Variants in KMT5B observed in about 807,000 individuals in gnomAD.
KMT5B encodes lysine methyltransferase 5B.
In KMT5B, 10 loss-of-function variants were observed where a neutral mutation model predicts 83.2. The observed-to-expected ratio is 0.12, with a 90% CI of 0.07 to 0.20. The LOEUF (loss-of-function observed/expected upper bound fraction) is 0.20, where lower values mean the gene tolerates loss of function less well. Among genes scored for constraint, KMT5B ranks in the 10% least tolerant of loss-of-function variants. KMT5B has a pLI of 1.00. For missense variants in KMT5B, 753 were observed against 1,067.2 expected, an observed-to-expected ratio of 0.71 and a Z score of 4.10; for synonymous variants, 349 against 388.8, an observed-to-expected ratio of 0.90 and a Z score of 1.20.
rs1488396861 is a variant in KMT5B at position 68,171,482 on chromosome 11, C to T, written c.820+61G>A. On this transcript the variant is annotated intron_variant, in intron 7 of 10. Coordinates refer to ENST00000304363, the MANE Select transcript of KMT5B (RefSeq NM_017635.5). The surrounding 1 kb of genome is among the most constrained non-coding windows in gnomAD (Gnocchi z 5.1). ...AAGGTTTGACTGAGGTTGACAAGGC[C>T]ATTCTAGCAGTTAGCAGGAATGGCC... 2 of 1,535,420 alleles carry T rather than the reference C, an allele frequency of 1.3e-6. No individual in the cohort carries two copies. Among genetic ancestry groups the T allele is most frequent in the African/African-American group, 2.8e-5 (2 of 72,338 alleles).
Position 68,158,733 on chromosome 11 carries a change from G to A in KMT5B, c.1613C>T (p.Thr538Ile). The A allele has an allele frequency of 6.2e-7, 1 of 1,614,124 alleles. No homozygotes were observed. The highest frequency in any genetic ancestry group is 8.5e-7 in the Non-Finnish European group (1 of 1,180,016). Reference protein sequence around the residue: ...QGESSPCTYITRRSVRTRTNL... With the variant: ...QGESSPCTYIIRRSVRTRTNL... ...TGTTCTTGTCCTCACTGACCGCCGA[G>A]TTATGTAGGTGCAGGGCGAGCTCTC... Residue 538 changes from threonine (T) to isoleucine (I), a missense_variant, in exon 11 of 11, where the codon ACT becomes ATT. Physicochemically the swap from Thr to Ile is moderately conservative, Grantham distance 89 (BLOSUM62 -1). Coordinates refer to ENST00000304363, the MANE Select transcript of KMT5B (RefSeq NM_017635.5).
intron 2 of KMT5B, 149 bp from the exon 3 acceptor site, chr11:68,186,077 T>TTTGGTTTTCTGTCTTATGCA: frequency 1.4e-6 from 1 of 716,996 alleles, no homozygotes; most frequent in Non-Finnish European, 2.2e-6. Context: ...AACCTTTGCA[T>TTTGGTTTTCTGTCTTATGCA]AAGACAGAAA....
chr11:68,181,503 G>C (rs1361683401), intron 3 of KMT5B, among the ~76,000 whole-genome samples: 1 of 152,146 alleles, frequency 6.6e-6, no homozygotes, highest in East Asian at 1.9e-4. Flanking sequence ...AACAAAGAGC[G>C]CACTATACAA....
rs372141412 is a variant in KMT5B at position 68,188,875 on chromosome 11, C to A, written c.160+1042G>T. Among the ~76,000 whole-genome samples the A allele has an allele frequency of 1.0e-3, 154 of 152,288 alleles. 3 individuals carry two copies. The South Asian group carries it at 0.024, about 24-fold the overall frequency. On this transcript the variant is annotated intron_variant, in intron 2 of 10. Coordinates refer to ENST00000304363, the MANE Select transcript of KMT5B (RefSeq NM_017635.5). ...GAGTGAGGCAGGATGAGGGTACATGCTGCCAGCAGCCTCAGGAGTGAGTGG... is the reference window on the plus strand; with the variant it reads ...GAGTGAGGCAGGATGAGGGTACATGATGCCAGCAGCCTCAGGAGTGAGTGG...
intron 6 of KMT5B, among the ~76,000 whole-genome samples, chr11:68,172,158 T>C (rs1565226682): frequency 6.6e-6 from 1 of 152,194 alleles, no homozygotes; most frequent in Non-Finnish European, 1.5e-5. Flanking sequence ...GCAAGCCAAA[T>C]TTTCAATCTT....
intron 1 of KMT5B, among the ~76,000 whole-genome samples, chr11:68,191,982 T>C (rs1858137583): frequency 6.6e-6 from 1 of 152,236 alleles, no homozygotes; most frequent in Admixed American, 6.5e-5. Flanking sequence ...TTTATGTTTA[T>C]ATATGTTTAG....
chr11:68,186,247 G>A (rs1484213398), intron 2 of KMT5B, among the ~76,000 whole-genome samples: 2 of 152,124 alleles, frequency 1.3e-5, no homozygotes, highest in East Asian at 1.9e-4. Context: ...GAAACGGGAC[G>A]GGAGCATGTT....
chr11:68,194,121 TAAAAAC>T (rs1171297911), intron 1 of KMT5B, among the ~76,000 whole-genome samples: 4 of 150,592 alleles, frequency 2.7e-5, no homozygotes, highest in Non-Finnish European at 5.9e-5. Context: ...CAGTAATAGA[TAAAAAC>T]ATAAAACAAT....
intron 1 of KMT5B, among the ~76,000 whole-genome samples, chr11:68,197,767 A>G (rs1238078275): frequency 6.6e-6 from 1 of 152,230 alleles, no homozygotes; most frequent in Non-Finnish European, 1.5e-5. Context: ...TTTCACTAGT[A>G]TGAATGCACT....
rs1859192047 is a variant in KMT5B at position 68,154,935 on chromosome 11, A to C, written c.*2753T>G. ...AGTGCATGTACAAAATATTTGTAAAAAATGTTTTTAATGAAACGTTAAAGA... is the reference window on the plus strand; with the variant it reads ...AGTGCATGTACAAAATATTTGTAAACAATGTTTTTAATGAAACGTTAAAGA... On this transcript the variant is annotated 3_prime_UTR_variant, in exon 11 of 11. Coordinates refer to ENST00000304363, the MANE Select transcript of KMT5B (RefSeq NM_017635.5). 1 of 152,232 alleles carries C rather than the reference A, an allele frequency of 6.6e-6. No homozygotes were observed. Among genetic ancestry groups the C allele is most frequent in the Non-Finnish European group, 1.5e-5 (1 of 68,044 alleles). The allele number at this position is 152,232 out of a possible 1,614,324, so 9.4% of individuals were successfully genotyped here. A position where few individuals can be genotyped will look rare whatever the true frequency, so the allele number is the denominator to read the frequency against.
chr11:68,157,554 A>C lies in KMT5B; in HGVS notation c.*134T>G. ...TAAGAATTGAGTCAGTATGCTGTAC[A>C]CTTTCTACAATAGTATGCTGATAAG... On this transcript the variant is annotated 3_prime_UTR_variant, in exon 11 of 11. Transcript: ENST00000304363. The C allele has an allele frequency of 7.6e-7, 1 of 1,310,180 alleles. No homozygotes were observed. The highest frequency in any genetic ancestry group is 2.1e-5 in the South Asian group (1 of 46,692). The allele number at this position is 1,310,180 out of a possible 1,614,324, so 81.2% of individuals were successfully genotyped here.
rs1163327383 is a variant in KMT5B, at chr11:68,157,172, C to T, written c.*516G>A. 6.6e-6 allele frequency: 1 copy of T among 152,008 alleles called. No individual in the cohort carries two copies. The highest frequency in any genetic ancestry group is 2.4e-5 in the African/African-American group (1 of 41,254). The allele number at this position is 152,008 out of a possible 1,614,324, so 9.4% of individuals were successfully genotyped here. On this transcript the variant is annotated 3_prime_UTR_variant, in exon 11 of 11. Coordinates refer to ENST00000304363, the MANE Select transcript of KMT5B (RefSeq NM_017635.5). ...TTAACAAAGGCCACAAACAGTACAC[C>T]TGGGCCAGCAAACAGTGTGAAACTG...
At position 68,157,655 on chromosome 11, in the gene KMT5B, G is replaced by A; in HGVS notation, c.*33C>T. On this transcript the variant is annotated 3_prime_UTR_variant, in exon 11 of 11. Coordinates refer to ENST00000304363, the MANE Select transcript of KMT5B (RefSeq NM_017635.5). ...GACTGGAATTTTTTATTTCTTTAAAGTAGTTATCCCAGGTCAAGTTAAGAC... is the reference window on the plus strand; with the variant it reads ...GACTGGAATTTTTTATTTCTTTAAAATAGTTATCCCAGGTCAAGTTAAGAC... The A allele has an allele frequency of 1.3e-6, 2 of 1,503,902 alleles. No homozygotes were observed. Among genetic ancestry groups the A allele is most frequent in the Non-Finnish European group, 1.8e-6 (2 of 1,129,858 alleles). 93.2% of individuals were successfully genotyped at this position (1,503,902 alleles called of 1,614,324 possible).
intron 2 of KMT5B, among the ~76,000 whole-genome samples, chr11:68,188,893 G>A (rs1057452407): frequency 2.0e-5 from 3 of 152,190 alleles, no homozygotes; most frequent in African/African-American, 7.2e-5. Flanking sequence ...AGCCTCAGGA[G>A]TGAGTGGTGT....
Position 68,165,822 on chromosome 11 carries a change from T to C in KMT5B, c.1174+1160A>G, listed in dbSNP as rs550356638. On this transcript the variant is annotated intron_variant, in intron 10 of 10. Transcript: ENST00000304363. ...TTAACGAAAAAGACTGGAATAGGGC[T>C]ACAGCGCTGCTTTTATGCTACACGG... 52 of 1,609,186 alleles carry C rather than the reference T, an allele frequency of 3.2e-5. 1 individual carries two copies. The South Asian group carries it at 4.2e-4, about 13-fold the overall frequency.
intron 1 of KMT5B, among the ~76,000 whole-genome samples, chr11:68,208,687 T>C (rs1171549747): frequency 6.6e-6 from 1 of 151,914 alleles, no homozygotes; most frequent in East Asian, 1.9e-4. Flanking sequence ...TAAATCAAAA[T>C]TGTAAATATA....
chr11:68,204,409 G>A (rs553004601), intron 1 of KMT5B, among the ~76,000 whole-genome samples: 55 of 152,228 alleles, frequency 3.6e-4, no homozygotes, highest in African/African-American at 1.3e-3. Context: ...AGAGGCAGAG[G>A]GAGATTTGAC....
chr11:68,189,970 C>T lies in KMT5B; in HGVS notation c.107G>A (p.Gly36Glu), dbSNP rs780421731. 5 of 1,614,144 alleles carry T rather than the reference C, an allele frequency of 3.1e-6. No individual in the cohort carries two copies. The highest frequency in any genetic ancestry group is 3.4e-6 in the Non-Finnish European group (4 of 1,180,024). The change falls in exon 2 of 11, where the codon GGG becomes GAG. Residue 36 changes from glycine (G) to glutamate (E), a missense_variant. Around this residue, in one of 9 missense-constraint regions of KMT5B, gnomAD observed 56 missense variants for 91.4 expected, o/e 0.61. Coordinates refer to ENST00000304363, the MANE Select transcript of KMT5B (RefSeq NM_017635.5). ...TTTGCCAGCCTTCAGGGTGTCCTTC[C>T]CCGTGTGCTGTAATTTTGATTGATT... ...QQNQSKLQHT[G>E]KDTLKAGKNA...
chr11:68,172,448 G>C (rs1036484703), intron 6 of KMT5B, among the ~76,000 whole-genome samples: 5 of 151,700 alleles, frequency 3.3e-5, no homozygotes, highest in Non-Finnish European at 5.9e-5. Flanking sequence ...TGTTGGCCAG[G>C]ATGGTCTCGA....
Sources: gnomAD v4.1 joint callset for allele counts (sites outside exome capture counted in the v4.1 genomes callset) on GRCh38, gnomAD v4.1.1 for gene constraint, gnomAD v4.1.1 regional missense constraint, Gnocchi (gnomAD v3.1) non-coding constraint, MANE v1.5 for transcripts, NCBI Gene and HGNC (gene_info 2026-07-23, HGNC 2026-07-21) for gene names.